CDH4: variants seen among roughly 807,000 people sequenced by gnomAD.
The protein encoded by CDH4 is cadherin-4.
In CDH4, 33 loss-of-function variants were observed where a neutral mutation model predicts 86.0. That is an observed-to-expected ratio of 0.38 (90% CI 0.29 to 0.51). The LOEUF is 0.51. CDH4 is among the 20% of genes least tolerant of loss of function. CDH4 has a pLI of 0.86. For synonymous variants in CDH4, 555 were observed against 549.4 expected (o/e 1.01, Z -0.14); for missense variants, 1,114 against 1,307.4 (o/e 0.85, Z 2.28).
rs560461387 is a variant in CDH4 at position 61,560,667 on chromosome 20, C to T, written c.170-182896C>T. Among the ~76,000 whole-genome samples the T allele has an allele frequency of 1.8e-4, 27 of 152,348 alleles. No individual in the cohort carries two copies. The South Asian group carries it at 5.4e-3, about 30-fold the overall frequency. On this transcript the variant is annotated intron_variant, in intron 2 of 15. Coordinates refer to ENST00000614565, the MANE Select transcript of CDH4 (RefSeq NM_001794.5). ...GGCGAGGGCTGAGTGCCTGAGTCCA[C>T]AGAGGCCTTGGAATGCTGCCCAGCA...
chr20:61,620,968 C>T (rs1457646074), intron 2 of CDH4, among the ~76,000 whole-genome samples: 3 of 152,258 alleles, frequency 2.0e-5, no homozygotes, highest in Non-Finnish European at 4.4e-5. Context: ...TCTGGTTCAT[C>T]CCAAGTCAGG....
At chr20:61,444,941 G>A (rs546626636) in intron 2 of CDH4, among the ~76,000 whole-genome samples, 1 of 151,998 alleles carries the variant, frequency 6.6e-6, no homozygotes, top group South Asian at 2.1e-4. Context: ...GTATCTATTT[G>A]TGTGTATCTG....
At chr20:61,467,198 A>T (rs2085477279) in intron 2 of CDH4, among the ~76,000 whole-genome samples, 1 of 152,214 alleles carries the variant, frequency 6.6e-6, no homozygotes, top group Non-Finnish European at 1.5e-5. Context: ...CACAGACCTC[A>T]TTAGTACAGA....
chr20:61,858,897 A>G (rs1008454266), intron 6 of CDH4, among the ~76,000 whole-genome samples: 1 of 152,120 alleles, frequency 6.6e-6, no homozygotes, highest in Non-Finnish European at 1.5e-5. Context: ...TCGTGTGAAC[A>G]TAAGTTTCCA....
At chr20:61,752,225 G>A (rs2088505684) in intron 3 of CDH4, among the ~76,000 whole-genome samples, 1 of 151,486 alleles carries the variant, frequency 6.6e-6, no homozygotes, top group Non-Finnish European at 1.5e-5. Flanking sequence ...CCAGCTACTA[G>A]GGAGTCTCAA....
At chr20:61,280,542 A>G (rs1424788112) in intron 2 of CDH4, among the ~76,000 whole-genome samples, 1 of 152,256 alleles carries the variant, frequency 6.6e-6, no homozygotes, top group Admixed American at 6.5e-5. Flanking sequence ...TGTGGAAGGC[A>G]GGCTCCAACT....
chr20:61,429,169 C>T (rs1459762474), intron 2 of CDH4, among the ~76,000 whole-genome samples: 2 of 152,166 alleles, frequency 1.3e-5, no homozygotes, highest in Non-Finnish European at 2.9e-5. Context: ...TCTAAGTGCT[C>T]AGTAAAAATT....
chr20:61,805,421 C>T lies in CDH4; in HGVS notation c.576+32239C>T, dbSNP rs541794845. Among the ~76,000 whole-genome samples the T allele has an allele frequency of 1.8e-4, 27 of 152,336 alleles. No homozygotes were observed. In the South Asian group the frequency reaches 3.1e-3, roughly 18 times the overall value. ...GCTGGGTGTCCCACAGAGCCACACC[C>T]GAGCCCCATAACCATAAAGGCCAGC... is the stretch of plus-strand genomic sequence containing the variant. On this transcript the variant is annotated intron_variant, in intron 4 of 15. Transcript: ENST00000614565.
intron 5 of CDH4, among the ~76,000 whole-genome samples, chr20:61,845,622 G>C (rs926660502): frequency 6.6e-6 from 1 of 152,256 alleles, no homozygotes; most frequent in Non-Finnish European, 1.5e-5. Context: ...GGCCAGATGT[G>C]AGCTATTGGG....
rs1891584 is a variant in CDH4 at position 61,938,114 on chromosome 20, C to T, written c.*1171C>T. On this transcript the variant is annotated 3_prime_UTR_variant, in exon 16 of 16. Coordinates refer to ENST00000614565, the MANE Select transcript of CDH4 (RefSeq NM_001794.5). ...TGGGTGGCAGGAGGCCCCGTCTTGC[C>T]GTGCCTACCTGTCGCACAGATGCCT... The T allele has an allele frequency of 0.78, 119,276 of 152,320 alleles. 46,964 individuals carry two copies. The highest frequency in any genetic ancestry group is 0.86 in the African/African-American group (35,713 of 41,560). 9.4% of individuals were successfully genotyped at this position (152,320 alleles called of 1,614,324 possible).
intron 2 of CDH4, among the ~76,000 whole-genome samples, chr20:61,451,126 C>A (rs1414124718): frequency 1.8e-5 from 2 of 109,234 alleles, no homozygotes; most frequent in Non-Finnish European, 4.2e-5. Context: ...TCTCACGCCC[C>A]CCCCCTTCCC....
intron 2 of CDH4, among the ~76,000 whole-genome samples, chr20:61,726,580 T>C (rs1311139884): frequency 1.3e-5 from 2 of 151,566 alleles, no homozygotes; most frequent in African/African-American, 4.9e-5. Context: ...TCATCATCAT[T>C]ATGCCATCAC....
At chr20:61,675,173 G>A (rs956714522) in intron 2 of CDH4, among the ~76,000 whole-genome samples, 6 of 152,262 alleles carry the variant, frequency 3.9e-5, no homozygotes, top group African/African-American at 7.2e-5. Context: ...GTGGCATGAG[G>A]TTGGGTGGAG....
chr20:61,464,739 C>A (rs1164135176), intron 2 of CDH4, among the ~76,000 whole-genome samples: 1 of 152,188 alleles, frequency 6.6e-6, no homozygotes, highest in African/African-American at 2.4e-5. Context: ...CTGAGACACA[C>A]TAGCAGAGCC....
intron 5 of CDH4, among the ~76,000 whole-genome samples, chr20:61,848,967 G>A (rs553471895): frequency 6.6e-6 from 1 of 152,244 alleles, no homozygotes; most frequent in South Asian, 2.1e-4. Context: ...CAAGCTCGTG[G>A]AGATCATTAG....
rs527386892 is a variant in CDH4 at position 61,620,522 on chromosome 20, A to G, written c.170-123041A>G. ...TGATAGATGATAGATTCGTACATAC[A>G]TACATACATACATGATAGATAGGCA... is the stretch of plus-strand genomic sequence containing the variant. On this transcript the variant is annotated intron_variant, in intron 2 of 15. Transcript: ENST00000614565. Among the ~76,000 whole-genome samples, 153 of 151,362 alleles carry G rather than the reference A, an allele frequency of 1.0e-3. 1 individual carries two copies. The highest frequency in any genetic ancestry group is 6.8e-3 in the Middle Eastern group (2 of 294).
chr20:61,573,409 T>A (rs1429781522), intron 2 of CDH4, among the ~76,000 whole-genome samples: 1 of 152,250 alleles, frequency 6.6e-6, no homozygotes, highest in Non-Finnish European at 1.5e-5. Context: ...TTTGTAGAAA[T>A]GTCACCTGCT....
chr20:61,632,972 ACCCATCCATCTT>A (rs2086908534), intron 2 of CDH4, among the ~76,000 whole-genome samples: 2 of 149,464 alleles, frequency 1.3e-5, no homozygotes, highest in Admixed American at 6.7e-5. Flanking sequence ...CCATATACCC[ACCCATCCATCTT>A]CCCATCCATC....
intron 2 of CDH4, among the ~76,000 whole-genome samples, chr20:61,515,473 T>C (rs558040037): frequency 5.8e-4 from 88 of 152,232 alleles, no homozygotes; most frequent in Non-Finnish European, 1.2e-3. Context: ...TCATGGTGGC[T>C]GCAGAAGGAT....
Sources: allele counts gnomAD v4.1 joint callset (sites outside exome capture counted in the v4.1 genomes callset), GRCh38; gene constraint gnomAD v4.1.1; transcripts MANE v1.5; gene names NCBI Gene and HGNC (gene_info 2026-07-23, HGNC 2026-07-21).